NSL1: variants seen among roughly 807,000 people sequenced by gnomAD.
NSL1 encodes the protein kinetochore-associated protein NSL1 homolog.
A neutral mutation model predicts 25.4 loss-of-function variants in NSL1; 11 were observed. The ratio of observed to expected loss-of-function variants is 0.43; its 90% CI spans 0.27 to 0.72. The LOEUF (loss-of-function observed/expected upper bound fraction) is 0.72. Among genes scored for constraint, NSL1 ranks in the 30% least tolerant of loss-of-function variants. The probability of loss-of-function intolerance (pLI) is 0.19; values close to 1 mark genes in which losing one functional copy is unlikely to be tolerated. For synonymous variants in NSL1, 118 were observed against 120.6 expected (o/e 0.98, Z 0.14); for missense variants, 330 against 342.7 (o/e 0.96, Z 0.29).
At position 212,727,041 on chromosome 1, in the gene NSL1, G is replaced by A. The variant is rs530666864; in HGVS notation, c.*11367C>T. 39 of 1,467,644 alleles carry A rather than the reference G, an allele frequency of 2.7e-5. No individual in the cohort carries two copies. The highest frequency in any genetic ancestry group is 1.1e-4 in the African/African-American group (8 of 70,538). The allele number at this position is 1,467,644 out of a possible 1,614,324, so 90.9% of individuals were successfully genotyped here. On this transcript the variant is annotated 3_prime_UTR_variant, in exon 6 of 6. Transcript: ENST00000366977. ...TACTCCGGCCTTGGAGATGACTGCC[G>A]AGAGAGGGAGGGCGGGCTCTGGGTC...
In NSL1 at chr1:212,782,357, T is replaced by C. The variant is rs1269976882; in HGVS notation, c.499+15A>G. 1.9e-6 allele frequency: 3 copies of C among 1,590,942 alleles called. No individual in the cohort carries two copies. The highest frequency in any genetic ancestry group is 2.6e-6 in the Non-Finnish European group (3 of 1,159,004). On this transcript the variant is annotated intron_variant, in intron 4 of 5. Transcript: ENST00000366977. Reference sequence around the variant, plus strand: ...GCAGATGCTTCATTTTTACCACAAATGGATACTGACTCACCTGGATCAGGG... The same window carrying C: ...GCAGATGCTTCATTTTTACCACAAACGGATACTGACTCACCTGGATCAGGG...
chr1:212,760,323 G>A lies in NSL1; in HGVS notation c.500-20722C>T, dbSNP rs35536036. On this transcript the variant is annotated intron_variant, in intron 4 of 5. Transcript: ENST00000366977. The surrounding 1 kb of genome is among the most constrained non-coding windows in gnomAD (Gnocchi z 4.3). Reference sequence around the variant, plus strand: ...CTCTGCACCACTCTACCACACCAGTGTCTGAGAGCGCCATCTAGGGGCCCA... The same window carrying A: ...CTCTGCACCACTCTACCACACCAGTATCTGAGAGCGCCATCTAGGGGCCCA... Among the ~76,000 whole-genome samples, 1,602 of 152,252 alleles carry A rather than the reference G, an allele frequency of 0.011. 10 individuals carry two copies. Among genetic ancestry groups the A allele is most frequent in the South Asian group, 0.02 (98 of 4,826 alleles).
At chr1:212,752,932 C>T (rs1016991800) in intron 4 of NSL1, among the ~76,000 whole-genome samples, 3 of 150,156 alleles carry the variant, frequency 2.0e-5, no homozygotes, top group Non-Finnish European at 3.0e-5. Context: ...CTTTCTATTT[C>T]CAATGTATTT....
rs1658303917 is a variant in NSL1 at position 212,738,010 on chromosome 1, A to G, written c.*398T>C. ...TTCAGCATGTAAACGAAAAATCATT[A>G]TACAGCTCTCTCTCTTTTTTTTTTT... On this transcript the variant is annotated 3_prime_UTR_variant, in exon 6 of 6. Coordinates refer to ENST00000366977, the MANE Select transcript of NSL1 (RefSeq NM_015471.4). The G allele has an allele frequency of 3.1e-6, 3 of 981,918 alleles. No homozygotes were observed. The highest frequency in any genetic ancestry group is 3.6e-6 in the Non-Finnish European group (3 of 830,424). The allele number at this position is 981,918 out of a possible 1,614,324, so 60.8% of individuals were successfully genotyped here. A position where few individuals can be genotyped will look rare whatever the true frequency, so the allele number is the denominator to read the frequency against.
chr1:212,747,422 C>CT (rs1386369217), intron 4 of NSL1, among the ~76,000 whole-genome samples: 3 of 152,200 alleles, frequency 2.0e-5, no homozygotes, highest in Non-Finnish European at 4.4e-5. Context: ...ACTAAAGTCT[C>CT]TAACACACCA....
chr1:212,747,075 G>A (rs1046271012), intron 4 of NSL1, among the ~76,000 whole-genome samples: 1 of 151,642 alleles, frequency 6.6e-6, no homozygotes, highest in Non-Finnish European at 1.5e-5. Flanking sequence ...AACCCAGGAA[G>A]CGGAGGTTGC....
intron 4 of NSL1, among the ~76,000 whole-genome samples, chr1:212,753,878 A>G (rs1659177464): frequency 1.3e-5 from 2 of 152,320 alleles, no homozygotes; most frequent in African/African-American, 2.4e-5. Context: ...GAGTATTTTA[A>G]TGAGGGTGGT....
chr1:212,761,131 A>G (rs1032272132), intron 4 of NSL1, among the ~76,000 whole-genome samples: 2 of 152,240 alleles, frequency 1.3e-5, no homozygotes, highest in African/African-American at 2.4e-5. Flanking sequence ...AAAAATCTGA[A>G]AGAAGTAACT....
At chr1:212,780,844 C>A (rs778387602) in intron 4 of NSL1, among the ~76,000 whole-genome samples, 3 of 152,066 alleles carry the variant, frequency 2.0e-5, no homozygotes, top group Admixed American at 6.5e-5. Flanking sequence ...ATAGTTTATA[C>A]AGCCCCTTAT....
Position 212,730,243 on chromosome 1 carries a change from A to AG in NSL1, c.*8164_*8165insC, listed in dbSNP as rs1657962074. 1 of 956,438 alleles carries AG rather than the reference A, an allele frequency of 1.0e-6. No individual in the cohort carries two copies. The allele number at this position is 956,438 out of a possible 1,614,324, so 59.2% of individuals were successfully genotyped here. ...CCAGCCTGGGTGACAGTCTCAAAAAAAAAAAAAAAAAAAAAAAAAAAAGAA... is the reference window on the plus strand; with the variant it reads ...CCAGCCTGGGTGACAGTCTCAAAAAAGAAAAAAAAAAAAAAAAAAAAAAGAA... On this transcript the variant is annotated 3_prime_UTR_variant, in exon 6 of 6. Coordinates refer to ENST00000366977, the MANE Select transcript of NSL1 (RefSeq NM_015471.4).
chr1:212,739,735 A>G, intron 4 of NSL1, 134 bp from the exon 5 acceptor site: 1 of 733,698 alleles, frequency 1.4e-6, no homozygotes, highest in Non-Finnish European at 2.2e-6. Flanking sequence ...CCTCAGCTTA[A>G]TCTTTCTCAG....
chr1:212,745,159 A>AATAT (rs1558041737), intron 4 of NSL1, among the ~76,000 whole-genome samples: 1 of 75,608 alleles, frequency 1.3e-5, no homozygotes, highest in African/African-American at 5.3e-5. Context: ...AAACAAACAA[A>AATAT]CTATATATAT....
In NSL1 at chr1:212,738,405, A is replaced by G; in HGVS notation, c.*3T>C. 1.9e-6 allele frequency: 3 copies of G among 1,604,612 alleles called. No homozygotes were observed. Among genetic ancestry groups the G allele is most frequent in the Non-Finnish European group, 2.6e-6 (3 of 1,175,742 alleles). On this transcript the variant is annotated 3_prime_UTR_variant, in exon 6 of 6. Transcript: ENST00000366977. ...TTCAACTCCCAAAATAAACAGAAAG[A>G]GCTCATGTATCAAGATTAATTTTCT...
rs1188540830 is a variant in NSL1, at chr1:212,736,627, G to A, written c.*1781C>T. ...TTTTAAACTCTGCTATAACTATGGA[G>A]TAAAACTTTGGGCTCTCAAGAGGAT... On this transcript the variant is annotated 3_prime_UTR_variant, in exon 6 of 6. Coordinates refer to ENST00000366977, the MANE Select transcript of NSL1 (RefSeq NM_015471.4). The A allele has an allele frequency of 1.2e-5, 12 of 985,224 alleles. No homozygotes were observed. Among genetic ancestry groups the A allele is most frequent in the Non-Finnish European group, 1.4e-5 (12 of 829,856 alleles). The allele number at this position is 985,224 out of a possible 1,614,324, so 61.0% of individuals were successfully genotyped here. A position where few individuals can be genotyped will look rare whatever the true frequency, so the allele number is the denominator to read the frequency against.
At chr1:212,781,996 T>C in intron 4 of NSL1, 1 of 514,952 alleles carries the variant, frequency 1.9e-6, no homozygotes. Flanking sequence ...CCAATGATGG[T>C]TACTGCACCA....
intron 4 of NSL1, among the ~76,000 whole-genome samples, chr1:212,751,614 A>G (rs1321040139): frequency 6.6e-6 from 1 of 152,228 alleles, no homozygotes; most frequent in African/African-American, 2.4e-5. Context: ...ATAGAATTAA[A>G]TGTTTAAACT....
At chr1:212,790,877 C>A (rs919103977) in intron 1 of NSL1, among the ~76,000 whole-genome samples, 1 of 151,412 alleles carries the variant, frequency 6.6e-6, no homozygotes. Flanking sequence ...GAGCCGAGAT[C>A]GCGCCACTGC....
At chr1:212,750,476 C>A (rs1659018171) in intron 4 of NSL1, among the ~76,000 whole-genome samples, 1 of 152,054 alleles carries the variant, frequency 6.6e-6, no homozygotes, top group Non-Finnish European at 1.5e-5. Context: ...AATTTTGCAC[C>A]AGGCCTAGAC....
chr1:212,766,171 G>T, intron 4 of NSL1: 1 of 567,708 alleles, frequency 1.8e-6, no homozygotes, highest in Non-Finnish European at 3.1e-6. Flanking sequence ...CAACAAACTA[G>T]GCAAAGAAGA....
Sources: allele counts gnomAD v4.1 joint callset (sites outside exome capture counted in the v4.1 genomes callset), GRCh38; gene constraint gnomAD v4.1.1; non-coding constraint Gnocchi (gnomAD v3.1); transcripts MANE v1.5; gene names NCBI Gene and HGNC (gene_info 2026-07-23, HGNC 2026-07-21).